The following PGPEP1 variants were observed in gnomAD, a reference collection of about 807,000 sequenced individuals.
PGPEP1 encodes the protein pyroglutamyl-peptidase I, also known as pyroglutamyl-peptidase 1.
PGPEP1 carries 15 observed loss-of-function variants against 24.1 expected under a neutral mutation model. That is an observed-to-expected ratio of 0.62 (90% CI 0.42 to 0.96). The LOEUF (loss-of-function observed/expected upper bound fraction) is 0.96. PGPEP1 is among the 40% of genes least tolerant of loss of function. The pLI is 0.00. For synonymous variants in PGPEP1, 122 were observed against 116.4 expected (o/e 1.05, Z -0.31); for missense variants, 242 against 273.4 (o/e 0.89, Z 0.81).
chr19:18,351,897 G>T (rs977895503), intron 2 of PGPEP1, among the ~76,000 whole-genome samples: 1 of 151,868 alleles, frequency 6.6e-6, no homozygotes, highest in African/African-American at 2.4e-5. Flanking sequence ...GGCCAAGGGG[G>T]GGCTGATCAC....
In PGPEP1 at chr19:18,366,343, T is replaced by C. The variant is rs1971548170; in HGVS notation, c.*2760T>C. 1 of 152,208 alleles carries C rather than the reference T, an allele frequency of 6.6e-6. No individual in the cohort carries two copies. Among genetic ancestry groups the C allele is most frequent in the South Asian group, 2.1e-4 (1 of 4,836 alleles). 9.4% of individuals were successfully genotyped at this position (152,208 alleles called of 1,614,324 possible). ...GAGATATAACCTATTGTCTGCTCATTGTCACGTGTGTGTGTGTCATCTTTG... is the reference window on the plus strand; with the variant it reads ...GAGATATAACCTATTGTCTGCTCATCGTCACGTGTGTGTGTGTCATCTTTG... On this transcript the variant is annotated 3_prime_UTR_variant, in exon 5 of 5. Transcript: ENST00000269919.
chr19:18,362,265 G>A (rs1971365296), intron 4 of PGPEP1, among the ~76,000 whole-genome samples: 1 of 151,948 alleles, frequency 6.6e-6, no homozygotes, highest in South Asian at 2.1e-4. Flanking sequence ...AAATTAGCCG[G>A]ATGTGCTGGC....
intron 2 of PGPEP1, among the ~76,000 whole-genome samples, chr19:18,352,266 C>CAAAAAAAAGAAA (rs1971052157): frequency 2.3e-5 from 1 of 43,664 alleles, no homozygotes; most frequent in Non-Finnish European, 4.3e-5. Flanking sequence ...GACTCCGTCT[C>CAAAAAAAAGAAA]AAAAAAAAAA....
At chr19:18,357,771 G>A (rs913054572) in intron 4 of PGPEP1, 156 bp downstream of exon 4, 118 of 627,040 alleles carry the variant, frequency 1.9e-4, no homozygotes, top group Non-Finnish European at 2.5e-4. Flanking sequence ...AGCAGGTGCC[G>A]TTGGTTCTGC....
chr19:18,349,207 A>AGTG, intron 2 of PGPEP1: 1 of 637,728 alleles, frequency 1.6e-6, no homozygotes, highest in Non-Finnish European at 2.0e-6. Context: ...TTTGAGACAG[A>AGTG]ATCTCACTCT....
At chr19:18,346,433 C>T (rs866583320) in intron 2 of PGPEP1, among the ~76,000 whole-genome samples, 29 of 151,980 alleles carry the variant, frequency 1.9e-4, no homozygotes, top group South Asian at 6.2e-4. Context: ...CTGCCGTGAC[C>T]GATTTTTCGG....
At chr19:18,361,130 C>T (rs1971338203) in intron 4 of PGPEP1, among the ~76,000 whole-genome samples, 1 of 151,428 alleles carries the variant, frequency 6.6e-6, no homozygotes, top group Admixed American at 6.6e-5. Context: ...CCGCACCCAG[C>T]TCAATTTTCT....
Position 18,363,617 on chromosome 19 carries a change from T to TG in PGPEP1, c.*38dup. The TG allele has an allele frequency of 1.9e-6, 3 of 1,558,758 alleles. No individual in the cohort carries two copies. In the Admixed American group the frequency reaches 5.3e-5, roughly 27 times the overall value. On this transcript the variant is annotated 3_prime_UTR_variant, in exon 5 of 5. Transcript: ENST00000269919. ...CAGGTCTCCTAAGACCTCATCCTGCTGGGGACCCCACGAGGGGACATCCAC... is the reference window on the plus strand; with the variant it reads ...CAGGTCTCCTAAGACCTCATCCTGCTGGGGGACCCCACGAGGGGACATCCAC...
Position 18,355,996 on chromosome 19 carries a change from G to A in PGPEP1, c.189G>A (p.Glu63=). 1.2e-6 allele frequency: 2 copies of A among 1,604,998 alleles called. No individual in the cohort carries two copies. Among genetic ancestry groups the A allele is most frequent in the Non-Finnish European group, 1.7e-6 (2 of 1,171,878 alleles). Residue 63 remains glutamate (E), a synonymous_variant, in exon 3 of 5, where the codon GAG becomes GAA. Transcript: ENST00000269919. ...AGAGACTCATCCCCGCCCTGTGGGA[G>A]AAGCACAGTCCACAGGTGAGTGGTG... ...TVQRLIPALW[E]KHSPQLVVHV... is the part of the protein sequence containing the mutation.
chr19:18,345,031 G>A (rs537205449), intron 2 of PGPEP1, among the ~76,000 whole-genome samples: 4 of 151,844 alleles, frequency 2.6e-5, no homozygotes, highest in East Asian at 3.9e-4. Context: ...ACACAGTTTC[G>A]TTCTTGTTGC....
In PGPEP1 at chr19:18,363,425, T is replaced by A. The variant is rs1279584138; in HGVS notation, c.472T>A (p.Tyr158Asn). ...CGACTTTACCTACTACACCTCTTTG[T>A]ACCAGAGTCACGGTCGATCAGCCTT... The part of the protein sequence containing the change: ...LCDFTYYTSL[Y>N]QSHGRSAFVH... The change falls in exon 5 of 5, where the codon TAC becomes AAC. Residue 158 changes from tyrosine (Y) to asparagine (N), a missense_variant. Tyr to Asn is a moderately radical substitution (Grantham distance 143). Transcript: ENST00000269919. The A allele has an allele frequency of 1.2e-6, 2 of 1,613,638 alleles. No homozygotes were observed. Among genetic ancestry groups the A allele is most frequent in the Admixed American group, 3.3e-5 (2 of 59,998 alleles).
intron 2 of PGPEP1, among the ~76,000 whole-genome samples, chr19:18,353,466 T>C (rs1018573837): frequency 3.3e-5 from 5 of 152,164 alleles, no homozygotes; most frequent in African/African-American, 4.8e-5. Flanking sequence ...TGCCTTGGCC[T>C]CCTAAAGCAC....
chr19:18,342,741 T>C (rs2144524004), intron 1 of PGPEP1, 118 bp from the exon 2 acceptor site: 1 of 775,270 alleles, frequency 1.3e-6, no homozygotes, highest in Non-Finnish European at 2.2e-6. Flanking sequence ...AATGTTGTCC[T>C]TGGCAGCTGC....
chr19:18,350,622 A>G (rs545791958), intron 2 of PGPEP1, among the ~76,000 whole-genome samples: 5 of 152,350 alleles, frequency 3.3e-5, no homozygotes, highest in Admixed American at 1.3e-4. Context: ...AGATGTTCCA[A>G]TGTAGGGGAA....
intron 4 of PGPEP1, among the ~76,000 whole-genome samples, chr19:18,363,190 G>A (rs1189353232): frequency 6.6e-6 from 1 of 151,870 alleles, no homozygotes; most frequent in East Asian, 1.9e-4. Flanking sequence ...TGAGTAGCTG[G>A]GACTACAGGC....
intron 1 of PGPEP1, among the ~76,000 whole-genome samples, chr19:18,342,491 C>T (rs779054433): frequency 1.3e-5 from 2 of 152,120 alleles, no homozygotes; most frequent in African/African-American, 2.4e-5. Flanking sequence ...CATTTGGTGC[C>T]GATTCAGGGC....
In PGPEP1 at chr19:18,365,369, G is replaced by A. The variant is rs2144591282; in HGVS notation, c.*1786G>A. 2 of 152,274 alleles carry A rather than the reference G, an allele frequency of 1.3e-5. No individual in the cohort carries two copies. Among genetic ancestry groups the A allele is most frequent in the South Asian group, 4.1e-4 (2 of 4,840 alleles). The allele number at this position is 152,274 out of a possible 1,614,324, so 9.4% of individuals were successfully genotyped here. ...TTTGTTTGTTTGTTTTTATGATAGG[G>A]TCTTGTTCTGTTGACCAGGCTGGAG... On this transcript the variant is annotated 3_prime_UTR_variant, in exon 5 of 5. Coordinates refer to ENST00000269919, the MANE Select transcript of PGPEP1 (RefSeq NM_017712.4).
chr19:18,345,190 C>G (rs1423319088), intron 2 of PGPEP1, among the ~76,000 whole-genome samples: 2 of 151,884 alleles, frequency 1.3e-5, no homozygotes, highest in Non-Finnish European at 1.5e-5. Context: ...TTAGTACAGA[C>G]GAGGTTTTGC....
Position 18,367,520 on chromosome 19 carries a change from G to A in PGPEP1, c.*3937G>A, listed in dbSNP as rs1052268989. The A allele has an allele frequency of 2.0e-5, 3 of 152,042 alleles. No individual in the cohort carries two copies. Among genetic ancestry groups the A allele is most frequent in the Non-Finnish European group, 2.9e-5 (2 of 68,028 alleles). The allele number at this position is 152,042 out of a possible 1,614,324, so 9.4% of individuals were successfully genotyped here. On this transcript the variant is annotated 3_prime_UTR_variant, in exon 5 of 5. Coordinates refer to ENST00000269919, the MANE Select transcript of PGPEP1 (RefSeq NM_017712.4). Reference sequence around the variant, plus strand: ...TCTCTTTTAAGATGCCCAAGTCTGCGCACTTTTATTCCTTTATTCGGCCCC... The same window carrying A: ...TCTCTTTTAAGATGCCCAAGTCTGCACACTTTTATTCCTTTATTCGGCCCC...
Sources: allele counts gnomAD v4.1 joint callset (sites outside exome capture counted in the v4.1 genomes callset), GRCh38; gene constraint gnomAD v4.1.1; transcripts MANE v1.5; gene names NCBI Gene and HGNC (gene_info 2026-07-23, HGNC 2026-07-21).